Variants in PLEKHD1 observed in about 807,000 individuals in gnomAD.
PLEKHD1 encodes the protein pleckstrin homology domain-containing family D member 1.
PLEKHD1 carries 51 observed loss-of-function variants against 69.2 expected under a neutral mutation model. The observed-to-expected ratio is 0.74, with a 90% confidence interval of 0.59 to 0.93. The LOEUF is 0.93. Among genes scored for constraint, PLEKHD1 ranks in the 40% least tolerant of loss-of-function variants. The pLI is 0.00. For missense variants in PLEKHD1, 584 were observed against 641.0 expected, an observed-to-expected ratio of 0.91 and a Z score of 0.96; for synonymous variants, 236 against 244.7, an observed-to-expected ratio of 0.96 and a Z score of 0.33.
intron 6 of PLEKHD1, among the ~76,000 whole-genome samples, chr14:69,517,503 G>T (rs765346729): frequency 1.3e-5 from 2 of 152,088 alleles, no homozygotes; most frequent in Non-Finnish European, 2.9e-5. Context: ...GATTGCCTTG[G>T]ATCTAGCGCA....
intron 6 of PLEKHD1, among the ~76,000 whole-genome samples, chr14:69,509,528 T>G (rs370712232): frequency 1.3e-4 from 20 of 152,352 alleles, no homozygotes; most frequent in African/African-American, 4.3e-4. Flanking sequence ...TGTTTTGCAT[T>G]TAGCTCTATG....
chr14:69,526,920 ATCTCTGTCAGTCTGAC>A, intron 10 of PLEKHD1, 91 bp downstream of exon 10: 1 of 1,434,608 alleles, frequency 7.0e-7, no homozygotes, highest in Non-Finnish European at 9.2e-7. Context: ...TGCATGAATT[ATCTCTGTCAGTCTGAC>A]CAGACAGCCA....
At chr14:69,469,942 G>A in the PLEKHD1 span, among the ~76,000 whole-genome samples, 23 of 151,278 alleles carry the variant, frequency 1.5e-4, no homozygotes, top group African/African-American at 5.1e-4. Context: ...GGCTGATCTC[G>A]AACTCCTGAC....
At position 69,527,840 on chromosome 14, in the gene PLEKHD1, T is replaced by C. The variant is rs1051355416; in HGVS notation, c.1259T>C (p.Met420Thr). ...AELEAKMPVI[M>T]KNSVYIHKAA... ...CTGGAGGCCAAGATGCCTGTGATCA[T>C]GAAGAACTCCGTGTACATCCATAAG... Residue 420 changes from methionine (M) to threonine (T), a missense_variant, in exon 12 of 13, where the codon ATG becomes ACG. By Grantham distance (81) the Met-to-Thr change is moderately conservative. Transcript: ENST00000322564. The C allele has an allele frequency of 1.5e-5, 24 of 1,551,358 alleles. No homozygotes were observed. The highest frequency in any genetic ancestry group is 4.1e-5 in the African/African-American group (3 of 73,044).
chr14:69,525,796 T>C (rs1883631274), intron 8 of PLEKHD1, 148 bp from the exon 9 acceptor site: 4 of 790,462 alleles, frequency 5.1e-6, no homozygotes, highest in Admixed American at 3.0e-5. Flanking sequence ...CTGGGCCTTT[T>C]AGCTCTGGAG....
chr14:69,504,590 A>G (rs1308206408), intron 6 of PLEKHD1, among the ~76,000 whole-genome samples: 3 of 152,220 alleles, frequency 2.0e-5, no homozygotes, highest in Admixed American at 1.3e-4. Flanking sequence ...ACAACTTTAC[A>G]TCTTAATTTT....
intron 6 of PLEKHD1, among the ~76,000 whole-genome samples, chr14:69,514,499 C>T (rs1883339100): frequency 6.6e-6 from 1 of 152,146 alleles, no homozygotes; most frequent in Non-Finnish European, 1.5e-5. Context: ...CATTAAAGCT[C>T]TTAATACATT....
At chr14:69,500,083 G>A in intron 1 of PLEKHD1, 32 bp from the exon 2 acceptor site, 1 of 1,457,292 alleles carries the variant, frequency 6.9e-7, no homozygotes, top group Non-Finnish European at 9.4e-7. Context: ...CTTCTCTCCT[G>A]GTTGCTTTTC....
At chr14:69,495,520 A>G (rs1479394649) in intron 1 of PLEKHD1, among the ~76,000 whole-genome samples, 1 of 152,212 alleles carries the variant, frequency 6.6e-6, no homozygotes, top group African/African-American at 2.4e-5. Flanking sequence ...CATTTCTCTC[A>G]TAGCATCATT....
chr14:69,493,393 A>G (rs1882819078), intron 1 of PLEKHD1, among the ~76,000 whole-genome samples: 1 of 152,248 alleles, frequency 6.6e-6, no homozygotes, highest in Admixed American at 6.5e-5. Flanking sequence ...CTAGTCGCTT[A>G]ATCTCTATGC....
intron 5 of PLEKHD1, 71 bp from the exon 6 acceptor site, chr14:69,502,756 C>T (rs572227894): frequency 1.9e-6 from 3 of 1,541,478 alleles, no homozygotes; most frequent in South Asian, 2.4e-5. Flanking sequence ...CCTCAGGCAC[C>T]AGCTCCCTCA....
intron 1 of PLEKHD1, among the ~76,000 whole-genome samples, chr14:69,487,476 G>A (rs59315753): frequency 0.011 from 1,603 of 152,332 alleles, 30 homozygotes; most frequent in African/African-American, 0.035. Context: ...CAGTTAAGGG[G>A]AGGGGGCCTG....
intron 8 of PLEKHD1, among the ~76,000 whole-genome samples, chr14:69,525,427 C>T (rs962821206): frequency 6.6e-6 from 1 of 151,880 alleles, no homozygotes; most frequent in Non-Finnish European, 1.5e-5. Flanking sequence ...TGTGTAATGC[C>T]ATTGAGTACA....
At chr14:69,473,195 C>A in the PLEKHD1 span, among the ~76,000 whole-genome samples, 46 of 152,190 alleles carry the variant, frequency 3.0e-4, no homozygotes, top group African/African-American at 9.9e-4. Flanking sequence ...CCATCTCCCC[C>A]CAAACTCCAG....
chr14:69,479,696 AAGG>A (rs1305711614), upstream of PLEKHD1, among the ~76,000 whole-genome samples: 1 of 152,154 alleles, frequency 6.6e-6, no homozygotes, highest in African/African-American at 2.4e-5. Flanking sequence ...TTGAGAGTGG[AAGG>A]AGGAGTTCCT....
At chr14:69,518,470 G>A (rs949229490) in intron 6 of PLEKHD1, among the ~76,000 whole-genome samples, 2 of 152,152 alleles carry the variant, frequency 1.3e-5, no homozygotes, top group African/African-American at 4.8e-5. Flanking sequence ...ATAAATATGT[G>A]TAGCATGAAT....
Position 69,528,431 on chromosome 14 carries a change from C to G in PLEKHD1, c.*12C>G. 6.5e-7 allele frequency: 1 copy of G among 1,548,800 alleles called. No homozygotes were observed. Among genetic ancestry groups the G allele is most frequent in the African/African-American group, 1.4e-5 (1 of 73,116 alleles). On this transcript the variant is annotated 3_prime_UTR_variant, in exon 13 of 13. Transcript: ENST00000322564. ...GGGGTGGAAAGTGATGGGCGCTCCT[C>G]CCCTGCTTCCCAAGTCTCCCCTGGA...
chr14:69,506,831 C>T (rs565025285), intron 6 of PLEKHD1, among the ~76,000 whole-genome samples: 1 of 145,004 alleles, frequency 6.9e-6, no homozygotes, highest in African/African-American at 2.5e-5. Flanking sequence ...TAGTATCATA[C>T]ACAATAGTTT....
intron 6 of PLEKHD1, 46 bp downstream of exon 6, chr14:69,502,925 C>T: frequency 1.9e-6 from 3 of 1,544,990 alleles, no homozygotes; most frequent in Non-Finnish European, 2.6e-6. Flanking sequence ...TGTAATGGCT[C>T]ACGTTTCTAG....
Sources: gnomAD v4.1 joint callset for allele counts (sites outside exome capture counted in the v4.1 genomes callset) on GRCh38, gnomAD v4.1.1 for gene constraint, MANE v1.5 for transcripts, NCBI Gene and HGNC (gene_info 2026-07-23, HGNC 2026-07-21) for gene names.